Variants in EFHC2 observed in about 807,000 individuals in gnomAD.
The protein encoded by EFHC2 is EF-hand domain containing 2, also known as EF-hand domain-containing family member C2.
Under a neutral mutation model 52.7 loss-of-function variants are expected in EFHC2, and 18 were observed. The ratio of observed to expected loss-of-function variants is 0.34; its 90% CI spans 0.24 to 0.51. The LOEUF is 0.51. Ranked by LOEUF, EFHC2 falls within the 20% of genes least tolerant of loss-of-function variation. The probability of loss-of-function intolerance (pLI) is 0.97; values close to 1 mark genes in which losing one functional copy is unlikely to be tolerated. For missense variants in EFHC2, 513 were observed against 562.5 expected (o/e 0.91, Z 0.89); for synonymous variants, 203 against 204.1 (o/e 0.99, Z 0.04).
At chrX:44,156,884 A>G (rs1168056271) in intron 14 of EFHC2, among the ~76,000 whole-genome samples, 1 of 112,165 alleles carries the variant, frequency 8.9e-6, no homozygotes, top group African/African-American at 3.2e-5. Context: ...TCTCCAGGCC[A>G]TGACAGTGCC....
At chrX:44,150,193 T>C (rs182783906) in intron 14 of EFHC2, among the ~76,000 whole-genome samples, 2 of 111,686 alleles carry the variant, frequency 1.8e-5, no homozygotes, top group African/African-American at 6.5e-5. Context: ...TCACAAGGTG[T>C]CACAGAAACA....
chrX:44,293,309 CT>C (rs1224514840), intron 2 of EFHC2, among the ~76,000 whole-genome samples: 1 of 111,148 alleles, frequency 9.0e-6, no homozygotes, highest in Admixed American at 9.5e-5. Flanking sequence ...ATAAGTGCCC[CT>C]GATTTTATCA....
intron 1 of EFHC2, among the ~76,000 whole-genome samples, chrX:44,334,151 A>G (rs779276910): frequency 1.8e-5 from 2 of 112,140 alleles, no homozygotes; most frequent in South Asian, 7.4e-4. Flanking sequence ...CCTAGGTGAC[A>G]GAGCTACGAA....
chrX:44,250,485 G>T, intron 4 of EFHC2, 40 bp from the exon 5 acceptor site: 1 of 1,156,569 alleles, frequency 8.6e-7, no homozygotes, highest in Non-Finnish European at 1.2e-6. Context: ...TGCAGGGTTT[G>T]CATAATCACT....
intron 14 of EFHC2, among the ~76,000 whole-genome samples, chrX:44,155,476 T>C (rs1473332309): frequency 8.9e-6 from 1 of 112,324 alleles, no homozygotes; most frequent in Non-Finnish European, 1.9e-5. Flanking sequence ...TTATGTCTCC[T>C]TCTAGTTTAA....
intron 11 of EFHC2, among the ~76,000 whole-genome samples, chrX:44,184,799 T>C (rs534194531): frequency 9.0e-6 from 1 of 110,789 alleles, no homozygotes; most frequent in Admixed American, 9.6e-5. Flanking sequence ...CCTGCTTTCT[T>C]TTCCTCAGTG....
At chrX:44,155,676 T>A (rs1474767249) in intron 14 of EFHC2, among the ~76,000 whole-genome samples, 1 of 112,387 alleles carries the variant, frequency 8.9e-6, no homozygotes, top group East Asian at 2.8e-4. Flanking sequence ...ATGAGAAATA[T>A]CTATACATTT....
chrX:44,260,993 C>T, intron 4 of EFHC2, 82 bp downstream of exon 4: 1 of 818,325 alleles, frequency 1.2e-6, no homozygotes, highest in Non-Finnish European at 1.8e-6. Flanking sequence ...ACATCTGCAT[C>T]AGGAGTACAA....
chrX:44,202,548 T>A (rs1344724610), intron 11 of EFHC2, among the ~76,000 whole-genome samples: 2 of 111,890 alleles, frequency 1.8e-5, no homozygotes, highest in Non-Finnish European at 3.8e-5. Flanking sequence ...TACATTATAT[T>A]TATGGATGAG....
intron 1 of EFHC2, among the ~76,000 whole-genome samples, chrX:44,324,569 C>T (rs2038040978): frequency 9.1e-6 from 1 of 110,397 alleles, no homozygotes; most frequent in African/African-American, 3.3e-5. Flanking sequence ...CCCCTGCATA[C>T]ACACACACAC....
chrX:44,160,059 T>C (rs1441312129), intron 14 of EFHC2, among the ~76,000 whole-genome samples: 2 of 112,218 alleles, frequency 1.8e-5, no homozygotes, highest in African/African-American at 6.5e-5. Flanking sequence ...TAGTTGATCG[T>C]AGAGCTAAGG....
intron 1 of EFHC2, among the ~76,000 whole-genome samples, chrX:44,329,994 A>C (rs2038076284): frequency 9.6e-6 from 1 of 103,687 alleles, no homozygotes; most frequent in Non-Finnish European, 1.9e-5. Flanking sequence ...CACACCTGTA[A>C]TCTTAGCACT....
chrX:44,328,269 G>T (rs1425388169), intron 1 of EFHC2, among the ~76,000 whole-genome samples: 3 of 111,659 alleles, frequency 2.7e-5, no homozygotes, highest in African/African-American at 9.8e-5. Context: ...TTGAGCCAAG[G>T]GACAGATACA....
chrX:44,341,606 G>A (rs1363963180), intron 1 of EFHC2, among the ~76,000 whole-genome samples: 2 of 111,567 alleles, frequency 1.8e-5, no homozygotes, highest in Middle Eastern at 4.2e-3. Context: ...GTGCCACCAC[G>A]CTTGGCTAAT....
At chrX:44,252,025 A>G (rs927410013) in intron 4 of EFHC2, among the ~76,000 whole-genome samples, 6 of 112,108 alleles carry the variant, frequency 5.4e-5, no homozygotes, top group African/African-American at 1.9e-4. Flanking sequence ...TTGTGAAGGT[A>G]AAAGGGAAGA....
chrX:44,248,536 C>A, intron 6 of EFHC2, 126 bp from the exon 7 acceptor site: 1 of 866,079 alleles, frequency 1.2e-6, no homozygotes, highest in Non-Finnish European at 1.6e-6. Context: ...TTTTAAAAAT[C>A]AAATAAAAAA....
rs752738702 is a variant in EFHC2 at position 44,212,910 on chromosome X, TCAC to T, written c.1751+16736_1751+16738del. On this transcript the variant is annotated intron_variant, in intron 11 of 14. Coordinates refer to ENST00000420999, the MANE Select transcript of EFHC2 (RefSeq NM_025184.4). ...TTTTATTTTTAGTAGAGACAGCGTT[TCAC>T]CATGTTGGCCAGGCTGGTCTCAAAC... 5.6e-5 allele frequency among the ~76,000 whole-genome samples: 6 copies of T among 108,004 alleles called. No individual in the cohort carries two copies. In the South Asian group the frequency reaches 2.5e-3, roughly 45 times the overall value. The allele number at this position is 108,004 out of a possible 115,157, so 93.8% of individuals were successfully genotyped here. A position where few individuals can be genotyped will look rare whatever the true frequency, so the allele number is the denominator to read the frequency against.
At chrX:44,220,508 C>T (rs1367722846) in intron 11 of EFHC2, among the ~76,000 whole-genome samples, 2 of 111,605 alleles carry the variant, frequency 1.8e-5, no homozygotes, top group Admixed American at 1.9e-4. Context: ...ACAAAATTCC[C>T]CTGACAACCA....
At chrX:44,167,997 G>A (rs764488883) in intron 13 of EFHC2, among the ~76,000 whole-genome samples, 2 of 111,578 alleles carry the variant, frequency 1.8e-5, no homozygotes, top group African/African-American at 3.3e-5. Flanking sequence ...AAAAGACCAC[G>A]GTAGAGAAGA....
Sources: gnomAD v4.1 joint callset for allele counts (sites outside exome capture counted in the v4.1 genomes callset) on GRCh38, gnomAD v4.1.1 for gene constraint, MANE v1.5 for transcripts, NCBI Gene and HGNC (gene_info 2026-07-23, HGNC 2026-07-21) for gene names.